The following RPS6KA5 variants were observed in gnomAD, a reference collection of about 807,000 sequenced individuals.
The protein encoded by RPS6KA5 is ribosomal protein S6 kinase A5.
In RPS6KA5, 27 loss-of-function variants were observed where a neutral mutation model predicts 85.5. That is an observed-to-expected ratio of 0.32 (90% CI 0.23 to 0.44). The LOEUF is 0.44. Among genes scored for constraint, RPS6KA5 ranks in the 20% least tolerant of loss-of-function variants. The pLI is 1.00. For synonymous variants in RPS6KA5, 334 were observed against 348.2 expected (o/e 0.96, Z 0.46); for missense variants, 811 against 980.9 (o/e 0.83, Z 2.31).
intron 3 of RPS6KA5, among the ~76,000 whole-genome samples, chr14:90,959,293 G>C (rs902855287): frequency 6.6e-6 from 1 of 152,192 alleles, no homozygotes; most frequent in African/African-American, 2.4e-5. Context: ...ATCTTTTACT[G>C]TGAATGAAAT....
chr14:90,902,791 A>G lies in RPS6KA5; in HGVS notation c.1119+17T>C. The stretch of plus-strand genomic sequence containing the variant: ...GGACATATGGCCAATGTGCATGTGC[A>G]CAGGATGGGAAATTACCTGAAACAG... On this transcript the variant is annotated intron_variant, in intron 9 of 16. Transcript: ENST00000614987. The G allele has an allele frequency of 1.2e-6, 2 of 1,612,034 alleles. No homozygotes were observed. Among genetic ancestry groups the G allele is most frequent in the Non-Finnish European group, 1.7e-6 (2 of 1,178,644 alleles).
rs938230524 is a variant in RPS6KA5, at chr14:90,894,860, T to C, written c.1474-277A>G. ...GATGAATTCTTTCATTTGCAGTGTT[T>C]TGTTTTAAGAGATGAAGTCTCTAAA... On this transcript the variant is annotated intron_variant, in intron 12 of 16. Coordinates refer to ENST00000614987, the MANE Select transcript of RPS6KA5 (RefSeq NM_004755.4). 8.5e-5 allele frequency among the ~76,000 whole-genome samples: 13 copies of C among 152,326 alleles called. No individual in the cohort carries two copies. The East Asian group carries it at 2.5e-3, about 29-fold the overall frequency.
chr14:91,026,622 A>T (rs2042000838), intron 1 of RPS6KA5, among the ~76,000 whole-genome samples: 1 of 152,238 alleles, frequency 6.6e-6, no homozygotes, highest in South Asian at 2.1e-4. Flanking sequence ...ATGAACATAC[A>T]AGTGCATGTG....
At chr14:91,048,102 T>C (rs1267799395) in intron 1 of RPS6KA5, among the ~76,000 whole-genome samples, 1 of 152,200 alleles carries the variant, frequency 6.6e-6, no homozygotes, top group Non-Finnish European at 1.5e-5. Context: ...GATGTGGGTA[T>C]CTTGGGGGAG....
chr14:91,029,617 T>G (rs1034979862), intron 1 of RPS6KA5, among the ~76,000 whole-genome samples: 1 of 152,228 alleles, frequency 6.6e-6, no homozygotes, highest in African/African-American at 2.4e-5. Context: ...TGCCTCTCTG[T>G]ACCCTCATCT....
chr14:90,876,099 C>T (rs2033453715), intron 14 of RPS6KA5, among the ~76,000 whole-genome samples: 1 of 151,908 alleles, frequency 6.6e-6, no homozygotes, highest in Non-Finnish European at 1.5e-5. Flanking sequence ...GTGAATACAT[C>T]TCAAAGACTT....
At chr14:91,022,757 T>C (rs953618916) in intron 1 of RPS6KA5, among the ~76,000 whole-genome samples, 2 of 152,248 alleles carry the variant, frequency 1.3e-5, no homozygotes, top group Non-Finnish European at 2.9e-5. Flanking sequence ...TGCATACTTA[T>C]GTAATTACAA....
Position 90,993,435 on chromosome 14 carries a change from G to A in RPS6KA5, c.175+7653C>T, listed in dbSNP as rs182436350. ...AGCCTGGGTGACAGAGCAAGACTCC[G>A]TCTCAAAAAAAACAACAAGACAGAG... On this transcript the variant is annotated intron_variant, in intron 2 of 16. Coordinates refer to ENST00000614987, the MANE Select transcript of RPS6KA5 (RefSeq NM_004755.4). Among the ~76,000 whole-genome samples the A allele has an allele frequency of 1.1e-4, 17 of 151,834 alleles. No individual in the cohort carries two copies. In the Middle Eastern group the frequency reaches 0.014, roughly 122 times the overall value.
At position 90,925,941 on chromosome 14, in the gene RPS6KA5, CAAAAAAAAAA is replaced by C. The variant is rs71117389; in HGVS notation, c.619-2755_619-2746del. Among the ~76,000 whole-genome samples the C allele has an allele frequency of 9.9e-3, 725 of 73,546 alleles. 9 individuals are homozygous for C. Among genetic ancestry groups the C allele is most frequent in the African/African-American group, 0.036 (650 of 18,004 alleles). The allele number at this position is 73,546 out of a possible 152,430, so 48.2% of individuals were successfully genotyped here. Reference sequence around the variant, plus strand: ...TCGGTGATAGAGTGAGACCCTGACTCAAAAAAAAAAAAAAAAAAAAAGAAAAGAAAAGAAG... The same window carrying C: ...TCGGTGATAGAGTGAGACCCTGACTCAAAAAAAAAAAGAAAAGAAAAGAAG... On this transcript the variant is annotated intron_variant, in intron 5 of 16. Transcript: ENST00000614987.
At position 90,921,164 on chromosome 14, in the gene RPS6KA5, C is replaced by T. The variant is rs556884818; in HGVS notation, c.703-855G>A. Among the ~76,000 whole-genome samples the T allele has an allele frequency of 9.2e-5, 14 of 152,242 alleles. No homozygotes were observed. In the South Asian group the frequency reaches 2.7e-3, roughly 29 times the overall value. On this transcript the variant is annotated intron_variant, in intron 6 of 16. Coordinates refer to ENST00000614987, the MANE Select transcript of RPS6KA5 (RefSeq NM_004755.4). ...TGTTAAAATTTCAAACTATTTGCTT[C>T]CAATTTCCAGGGCCTAAGTTTCAGA...
At chr14:91,001,186 A>AT (rs761629614) in intron 1 of RPS6KA5, 27 bp from the exon 2 acceptor site, 2 of 1,486,438 alleles carry the variant, frequency 1.3e-6, no homozygotes, top group Non-Finnish European at 1.9e-6. Flanking sequence ...GGAAAAAAAA[A>AT]ACAAGAGGGT....
intron 5 of RPS6KA5, among the ~76,000 whole-genome samples, chr14:90,934,321 T>A (rs2037148631): frequency 6.6e-6 from 1 of 152,206 alleles, no homozygotes. Flanking sequence ...TTTCTATTTT[T>A]ATTGTGCTTT....
intron 7 of RPS6KA5, chr14:90,911,367 CT>C (rs1415565004): frequency 6.6e-6 from 1 of 152,220 alleles, no homozygotes; most frequent in Non-Finnish European, 1.5e-5. Context: ...AGCTCTTTTG[CT>C]TTTCTGCAGA....
chr14:91,035,865 A>G lies in RPS6KA5; in HGVS notation c.103+24467T>C, dbSNP rs1249425726. On this transcript the variant is annotated intron_variant, in intron 1 of 16. Coordinates refer to ENST00000614987, the MANE Select transcript of RPS6KA5 (RefSeq NM_004755.4). Reference sequence around the variant, plus strand: ...TCACCTTCAAAAAAAAAAAAAAAAAAAAAAAAAAAAAAAAAACCCCAAAGC... The same window carrying G: ...TCACCTTCAAAAAAAAAAAAAAAAAGAAAAAAAAAAAAAAAACCCCAAAGC... Among the ~76,000 whole-genome samples, 53 of 148,822 alleles carry G rather than the reference A, an allele frequency of 3.6e-4. 2 individuals are homozygous for G. The highest frequency in any genetic ancestry group is 1.3e-3 in the African/African-American group (53 of 40,536).
Position 90,887,795 on chromosome 14 carries a change from TA to T in RPS6KA5, c.1836+2691del, listed in dbSNP as rs34873992. 1.8e-3 allele frequency among the ~76,000 whole-genome samples: 252 copies of T among 139,758 alleles called. 1 individual carries two copies. The highest frequency in any genetic ancestry group is 7.2e-3 in the Middle Eastern group (2 of 278). The allele number at this position is 139,758 out of a possible 152,430, so 91.7% of individuals were successfully genotyped here. A position where few individuals can be genotyped will look rare whatever the true frequency, so the allele number is the denominator to read the frequency against. On this transcript the variant is annotated intron_variant, in intron 14 of 16. Coordinates refer to ENST00000614987, the MANE Select transcript of RPS6KA5 (RefSeq NM_004755.4). The stretch of plus-strand genomic sequence containing the variant: ...AACAAAGCAAGACTTCTTTTCTATT[TA>T]AAAAAAAAAAAAAAATTAGCTGGGG...
rs2033067498 is a variant in RPS6KA5, at chr14:90,870,907, T to C, written c.*1167A>G. The C allele has an allele frequency of 6.6e-6, 1 of 152,300 alleles. No individual in the cohort carries two copies. Among genetic ancestry groups the C allele is most frequent in the Non-Finnish European group, 1.5e-5 (1 of 67,946 alleles). The allele number at this position is 152,300 out of a possible 1,614,324, so 9.4% of individuals were successfully genotyped here. On this transcript the variant is annotated 3_prime_UTR_variant, in exon 17 of 17. Coordinates refer to ENST00000614987, the MANE Select transcript of RPS6KA5 (RefSeq NM_004755.4). ...TTTTCATCACATAGTACTTGTTTTC[T>C]GTATGAATTCAGAACTTTTGAGCAA...
intron 2 of RPS6KA5, among the ~76,000 whole-genome samples, chr14:90,997,749 G>A (rs1280538473): frequency 6.6e-6 from 1 of 152,092 alleles, no homozygotes; most frequent in Non-Finnish European, 1.5e-5. Flanking sequence ...GGTGGCTCAC[G>A]CCTGTAATTC....
intron 3 of RPS6KA5, among the ~76,000 whole-genome samples, chr14:90,951,564 CTG>C (rs796835797): frequency 1.3e-4 from 20 of 152,254 alleles, no homozygotes; most frequent in African/African-American, 4.8e-4. Context: ...TTTGGGAAGA[CTG>C]TGTTAACTTA....
At chr14:90,951,572 A>C (rs1753752091) in intron 3 of RPS6KA5, among the ~76,000 whole-genome samples, 2 of 152,202 alleles carry the variant, frequency 1.3e-5, no homozygotes, top group African/African-American at 4.8e-5. Flanking sequence ...GACTGTGTTA[A>C]CTTACATGCA....
Sources: gnomAD v4.1 joint callset for allele counts (sites outside exome capture counted in the v4.1 genomes callset) on GRCh38, gnomAD v4.1.1 for gene constraint, MANE v1.5 for transcripts, NCBI Gene and HGNC (gene_info 2026-07-23, HGNC 2026-07-21) for gene names.